The following MBD5 variants were observed in gnomAD, a reference collection of about 807,000 sequenced individuals.
MBD5 encodes methyl-CpG-binding domain protein 5.
Under a neutral mutation model 117.3 loss-of-function variants are expected in MBD5, and 13 were observed. The observed-to-expected ratio is 0.11, with a 90% confidence interval of 0.07 to 0.18. The LOEUF is 0.18. Among genes scored for constraint, MBD5 ranks in the 10% least tolerant of loss-of-function variants. The pLI is 1.00. For synonymous variants in MBD5, 727 were observed against 766.4 expected (o/e 0.95, Z 0.85); for missense variants, 1,879 against 2,093.8 (o/e 0.90, Z 2.00).
intron 1 of MBD5, among the ~76,000 whole-genome samples, chr2:148,086,238 G>A (rs1695789093): frequency 6.6e-6 from 1 of 151,594 alleles, no homozygotes; most frequent in African/African-American, 2.4e-5. Context: ...TGGCCCTGAG[G>A]ATTTCTAGAG....
chr2:148,289,980 G>C (rs1701461186), intron 3 of MBD5, among the ~76,000 whole-genome samples: 2 of 135,780 alleles, frequency 1.5e-5, no homozygotes, highest in African/African-American at 5.5e-5. Flanking sequence ...TTTTGAGATG[G>C]AGTCTCACTG....
chr2:148,341,113 G>T (rs1702934137), intron 3 of MBD5, among the ~76,000 whole-genome samples: 1 of 151,986 alleles, frequency 6.6e-6, no homozygotes, highest in Non-Finnish European at 1.5e-5. Context: ...GTTTGAGGAT[G>T]ATTTTCATTC....
intron 1 of MBD5, among the ~76,000 whole-genome samples, chr2:148,082,877 GTAT>G (rs1262922011): frequency 1.6e-4 from 24 of 152,182 alleles, no homozygotes; most frequent in Non-Finnish European, 1.5e-4. Context: ...CTCTATAAAA[GTAT>G]TATTAATAAT....
At chr2:148,228,947 C>G (rs902485034) in intron 2 of MBD5, among the ~76,000 whole-genome samples, 2 of 152,072 alleles carry the variant, frequency 1.3e-5, no homozygotes, top group Admixed American at 1.3e-4. Context: ...TGTGGGATCG[C>G]TGGTGATATC....
At chr2:148,139,313 T>C (rs907184048) in intron 1 of MBD5, among the ~76,000 whole-genome samples, 3 of 152,136 alleles carry the variant, frequency 2.0e-5, no homozygotes, top group Non-Finnish European at 4.4e-5. Flanking sequence ...TTCAGGTGAT[T>C]TTCCTGCCTC....
intron 4 of MBD5, among the ~76,000 whole-genome samples, chr2:148,407,794 C>T (rs993495105): frequency 6.6e-6 from 1 of 151,910 alleles, no homozygotes; most frequent in South Asian, 2.1e-4. Flanking sequence ...TTCATTTGTC[C>T]CTCTTGTTTT....
chr2:148,382,172 T>TAAAG (rs201647605), intron 4 of MBD5, among the ~76,000 whole-genome samples: 75,943 of 148,748 alleles, frequency 0.51, 19,508 homozygotes, highest in East Asian at 0.74. Context: ...GCAAATTGGA[T>TAAAG]AGTCAAGACC....
intron 2 of MBD5, among the ~76,000 whole-genome samples, chr2:148,197,907 G>T (rs954571740): frequency 7.0e-6 from 1 of 143,522 alleles, no homozygotes; most frequent in East Asian, 2.2e-4. Context: ...TCCACCTCCC[G>T]GGTTCAAGCG....
At chr2:148,028,672 A>G (rs757584925) in intron 1 of MBD5, 2 of 152,072 alleles carry the variant, frequency 1.3e-5, no homozygotes, top group Non-Finnish European at 2.9e-5. Flanking sequence ...AATAAAAGCA[A>G]ATATTGATTT....
At chr2:148,135,879 C>G (rs1697158889) in intron 1 of MBD5, among the ~76,000 whole-genome samples, 2 of 152,146 alleles carry the variant, frequency 1.3e-5, no homozygotes, top group South Asian at 4.1e-4. Flanking sequence ...AGGCACTTAA[C>G]TTTCAGCAAA....
At chr2:148,143,950 T>A in intron 1 of MBD5, among the ~76,000 whole-genome samples, 1 of 152,110 alleles carries the variant, frequency 6.6e-6, no homozygotes. Flanking sequence ...TGATTTATAA[T>A]CCTTTGGGTA....
intron 2 of MBD5, among the ~76,000 whole-genome samples, chr2:148,181,209 TTTACTGCTGC>T (rs1698526439): frequency 6.6e-6 from 1 of 152,236 alleles, no homozygotes; most frequent in Admixed American, 6.5e-5. Flanking sequence ...TTGCCATGTT[TTTACTGCTGC>T]TTACTGCTAC....
chr2:148,499,790 TCTCTGATAC>T (rs1350357988), intron 11 of MBD5, among the ~76,000 whole-genome samples: 1 of 152,180 alleles, frequency 6.6e-6, no homozygotes, highest in Non-Finnish European at 1.5e-5. Context: ...ATTTTGTTGT[TCTCTGATAC>T]CATTTTGGGC....
intron 4 of MBD5, among the ~76,000 whole-genome samples, chr2:148,402,046 A>G (rs1480904082): frequency 6.6e-6 from 1 of 152,214 alleles, no homozygotes; most frequent in East Asian, 1.9e-4. Flanking sequence ...GTAGGGTCAC[A>G]TGATGTTGAT....
intron 1 of MBD5, chr2:148,044,950 C>G (rs1694475131): frequency 6.6e-6 from 1 of 152,192 alleles, no homozygotes; most frequent in Non-Finnish European, 1.5e-5. Flanking sequence ...TAAGATGATA[C>G]TGATTTTTAT....
At chr2:148,350,418 G>A (rs1387684126) in intron 4 of MBD5, among the ~76,000 whole-genome samples, 8 of 151,962 alleles carry the variant, frequency 5.3e-5, no homozygotes, top group African/African-American at 1.9e-4. Flanking sequence ...TAACAAAAAT[G>A]CCTAAGGATT....
Position 148,076,514 on chromosome 2 carries a change from CA to C in MBD5, c.-925+54837del, listed in dbSNP as rs527345859. 5.8e-3 allele frequency among the ~76,000 whole-genome samples: 888 copies of C among 152,000 alleles called. 7 individuals are homozygous for C. Among genetic ancestry groups the C allele is most frequent in the African/African-American group, 0.02 (829 of 41,466 alleles). ...TCTTTCATCATGCTGGAAAGAAAGA[CA>C]AAAAAAGAGGCCTCAGAGGTCTGAC... On this transcript the variant is annotated intron_variant, in intron 1 of 13. Coordinates refer to ENST00000642680, the MANE Select transcript of MBD5 (RefSeq NM_001378120.1).
chr2:148,119,649 G>A (rs1696719780), intron 1 of MBD5, among the ~76,000 whole-genome samples: 1 of 152,082 alleles, frequency 6.6e-6, no homozygotes, highest in Non-Finnish European at 1.5e-5. Flanking sequence ...CTTACATAAA[G>A]GTATATGATC....
At chr2:148,426,219 A>T (rs934711974) in intron 4 of MBD5, among the ~76,000 whole-genome samples, 3 of 152,244 alleles carry the variant, frequency 2.0e-5, no homozygotes, top group African/African-American at 7.2e-5. Flanking sequence ...GAAAATGGCC[A>T]TACTGCCCAA....
Sources: allele counts gnomAD v4.1 joint callset (sites outside exome capture counted in the v4.1 genomes callset), GRCh38; gene constraint gnomAD v4.1.1; transcripts MANE v1.5; gene names NCBI Gene and HGNC (gene_info 2026-07-23, HGNC 2026-07-21).